The following CPQ variants were observed in gnomAD, a reference collection of about 807,000 sequenced individuals.
CPQ encodes the protein carboxypeptidase Q.
CPQ carries 37 observed loss-of-function variants against 45.7 expected under a neutral mutation model. The observed-to-expected ratio is 0.81, with a 90% CI of 0.62 to 1.07. The LOEUF is 1.07. Ranked by LOEUF, CPQ falls within the 50% of genes least tolerant of loss-of-function variation. The pLI is 0.00. For synonymous variants in CPQ, 186 were observed against 205.8 expected, an observed-to-expected ratio of 0.90 and a Z score of 0.82; for missense variants, 537 against 572.9, an observed-to-expected ratio of 0.94 and a Z score of 0.64.
chr8:97,011,409 G>A (rs1434948973), intron 5 of CPQ, among the ~76,000 whole-genome samples: 1 of 152,214 alleles, frequency 6.6e-6, no homozygotes, highest in Non-Finnish European at 1.5e-5. Context: ...CTGGGTAACA[G>A]GGATAGATAC....
intron 1 of CPQ, among the ~76,000 whole-genome samples, chr8:96,684,525 C>T (rs1391754286): frequency 2.0e-5 from 3 of 152,076 alleles, no homozygotes; most frequent in Middle Eastern, 3.2e-3. Context: ...ACAGTATGCT[C>T]GGGTGCAAGC....
At chr8:96,774,179 G>A (rs1298283549) in intron 1 of CPQ, among the ~76,000 whole-genome samples, 2 of 152,036 alleles carry the variant, frequency 1.3e-5, no homozygotes, top group Non-Finnish European at 2.9e-5. Flanking sequence ...ACTGAGACAG[G>A]GGAATTGCTT....
At position 97,106,854 on chromosome 8, in the gene CPQ, A is replaced by G. The variant is rs555676711; in HGVS notation, c.1256-36166A>G. On this transcript the variant is annotated intron_variant, in intron 7 of 7. Coordinates refer to ENST00000220763, the MANE Select transcript of CPQ (RefSeq NM_016134.4). ...GAGGCCAGTATAGGAAGAAAACGAA[A>G]GAGAGTGGAATACTAGAAGCCAGTG... is the stretch of plus-strand genomic sequence containing the variant. Among the ~76,000 whole-genome samples, 9 of 152,316 alleles carry G rather than the reference A, an allele frequency of 5.9e-5. No homozygotes were observed. In the East Asian group the frequency reaches 1.7e-3, roughly 29 times the overall value.
intron 3 of CPQ, among the ~76,000 whole-genome samples, chr8:96,858,522 G>C (rs377585781): frequency 4.6e-4 from 70 of 152,178 alleles, no homozygotes; most frequent in African/African-American, 1.6e-3. Flanking sequence ...TAGCAAAATG[G>C]GCATAACCAG....
intron 5 of CPQ, among the ~76,000 whole-genome samples, chr8:97,015,426 AAAC>A (rs1809562040): frequency 6.6e-6 from 1 of 152,282 alleles, no homozygotes; most frequent in African/African-American, 2.4e-5. Context: ...TTAAAAAAAA[AAAC>A]AAATTCACAT....
chr8:96,683,722 AT>A (rs549847118), intron 1 of CPQ, among the ~76,000 whole-genome samples: 13 of 146,530 alleles, frequency 8.9e-5, no homozygotes, highest in Admixed American at 1.4e-4. Flanking sequence ...TTTTAAATCC[AT>A]TTTTTCTATT....
At chr8:96,738,072 G>T (rs1810015619) in intron 1 of CPQ, among the ~76,000 whole-genome samples, 1 of 151,970 alleles carries the variant, frequency 6.6e-6, no homozygotes, top group African/African-American at 2.4e-5. Flanking sequence ...TAACTTTTTT[G>T]TCAGATATTG....
intron 1 of CPQ, among the ~76,000 whole-genome samples, chr8:96,715,826 G>C (rs1292744273): frequency 6.6e-6 from 1 of 152,216 alleles, no homozygotes; most frequent in East Asian, 1.9e-4. Context: ...CCAGATTACT[G>C]TGAATGATGC....
At chr8:97,110,786 T>C (rs2130592975) in intron 7 of CPQ, among the ~76,000 whole-genome samples, 1 of 152,292 alleles carries the variant, frequency 6.6e-6, no homozygotes, top group East Asian at 1.9e-4. Flanking sequence ...AGCTCTAAAT[T>C]TGTACAGAAT....
intron 1 of CPQ, among the ~76,000 whole-genome samples, chr8:96,743,371 A>G (rs888782028): frequency 2.0e-5 from 3 of 151,654 alleles, no homozygotes; most frequent in African/African-American, 4.8e-5. Flanking sequence ...CTAGTTATAC[A>G]TTCTTCTAAA....
chr8:96,870,805 G>A (rs1158193826), intron 3 of CPQ, among the ~76,000 whole-genome samples: 5 of 151,904 alleles, frequency 3.3e-5, no homozygotes, highest in African/African-American at 1.2e-4. Flanking sequence ...TTGACAGAAT[G>A]GTGTATGCTT....
chr8:96,997,068 C>G (rs1268108329), intron 5 of CPQ, among the ~76,000 whole-genome samples: 1 of 151,972 alleles, frequency 6.6e-6, no homozygotes, highest in Admixed American at 6.6e-5. Context: ...CTGGGATCTT[C>G]TGTTTGGAAA....
At chr8:96,842,713 A>G (rs1163794085) in intron 3 of CPQ, among the ~76,000 whole-genome samples, 2 of 152,166 alleles carry the variant, frequency 1.3e-5, no homozygotes, top group African/African-American at 2.4e-5. Flanking sequence ...TGTGACAGGC[A>G]TGCTTCCTCA....
At chr8:96,935,461 TG>T (rs1422283560) in intron 4 of CPQ, among the ~76,000 whole-genome samples, 1 of 152,166 alleles carries the variant, frequency 6.6e-6, no homozygotes, top group African/African-American at 2.4e-5. Flanking sequence ...ACCCAAACCA[TG>T]GATGACTGTG....
chr8:96,822,049 T>G (rs1811314461), intron 2 of CPQ, among the ~76,000 whole-genome samples: 1 of 152,070 alleles, frequency 6.6e-6, no homozygotes, highest in African/African-American at 2.4e-5. Flanking sequence ...GACCAACTTC[T>G]TCCCAATCTC....
At chr8:96,809,920 T>G (rs1811139408) in intron 2 of CPQ, among the ~76,000 whole-genome samples, 1 of 152,178 alleles carries the variant, frequency 6.6e-6, no homozygotes, top group Non-Finnish European at 1.5e-5. Context: ...GTCTCTTGCA[T>G]TGAGCATTAC....
At chr8:97,004,965 AT>A (rs556830350) in intron 5 of CPQ, among the ~76,000 whole-genome samples, 65 of 152,238 alleles carry the variant, frequency 4.3e-4, no homozygotes, top group East Asian at 2.3e-3. Flanking sequence ...GGGAAAGAAA[AT>A]TTTTTTATGA....
chr8:96,939,910 T>A (rs186652205), intron 4 of CPQ, among the ~76,000 whole-genome samples: 3 of 152,298 alleles, frequency 2.0e-5, no homozygotes, highest in Admixed American at 1.3e-4. Flanking sequence ...TCAATGGGAT[T>A]ATGCCAATTT....
intron 3 of CPQ, among the ~76,000 whole-genome samples, chr8:96,877,340 G>A (rs991579390): frequency 6.6e-6 from 1 of 152,072 alleles, no homozygotes; most frequent in Admixed American, 6.5e-5. Flanking sequence ...GTGCATGCCC[G>A]GCTCACTGTC....
Sources: gnomAD v4.1 joint callset for allele counts (sites outside exome capture counted in the v4.1 genomes callset) on GRCh38, gnomAD v4.1.1 for gene constraint, MANE v1.5 for transcripts, NCBI Gene and HGNC (gene_info 2026-07-23, HGNC 2026-07-21) for gene names.